LRMDA: variants seen among roughly 807,000 people sequenced by gnomAD.
LRMDA encodes the protein leucine-rich melanocyte differentiation-associated protein.
LRMDA carries 18 observed loss-of-function variants against 29.8 expected under a neutral mutation model. That is an observed-to-expected ratio of 0.60 (90% CI 0.42 to 0.90). LRMDA has a LOEUF of 0.90. LRMDA is among the 40% of genes least tolerant of loss of function. The pLI, the probability that LRMDA is intolerant of heterozygous loss-of-function variation, is 0.00. For missense variants in LRMDA, 273 were observed against 273.9 expected (o/e 1.00, Z 0.02); for synonymous variants, 125 against 109.4 (o/e 1.14, Z -0.89).
chr10:76,371,276 A>G (rs572598132), intron 6 of LRMDA, among the ~76,000 whole-genome samples: 1 of 152,312 alleles, frequency 6.6e-6, no homozygotes, highest in South Asian at 2.1e-4. Context: ...AATTCGAGGT[A>G]GTGGTTCTCT....
chr10:76,014,138 A>G (rs1177897035), intron 2 of LRMDA, among the ~76,000 whole-genome samples: 19 of 139,884 alleles, frequency 1.4e-4, no homozygotes, highest in East Asian at 2.1e-4. Flanking sequence ...ATATATATAT[A>G]TATATAATTA....
intron 5 of LRMDA, among the ~76,000 whole-genome samples, chr10:76,201,069 T>TTTTATTTATTTATTTA (rs57777695): frequency 7.1e-6 from 1 of 141,224 alleles, no homozygotes; most frequent in Non-Finnish European, 1.5e-5. Context: ...GTATTATTAT[T>TTTTATTTATTTATTTA]TTTATTTATT....
intron 2 of LRMDA, chr10:75,642,654 C>T (rs1841469137): frequency 6.6e-6 from 1 of 152,128 alleles, no homozygotes; most frequent in African/African-American, 2.4e-5. Flanking sequence ...GAATTTTTGG[C>T]TAAAGTTGTC....
At chr10:75,591,389 G>A (rs1030534478) in intron 2 of LRMDA, among the ~76,000 whole-genome samples, 6 of 152,068 alleles carry the variant, frequency 3.9e-5, no homozygotes, top group African/African-American at 7.2e-5. Context: ...GTATCCTCAC[G>A]GTTGTACAAA....
intron 2 of LRMDA, among the ~76,000 whole-genome samples, chr10:75,538,724 A>C (rs1839982202): frequency 6.6e-6 from 1 of 152,166 alleles, no homozygotes; most frequent in African/African-American, 2.4e-5. Flanking sequence ...TGATTTCAAC[A>C]AGCAAGTATT....
chr10:75,773,984 G>A (rs191086734), intron 2 of LRMDA, among the ~76,000 whole-genome samples: 15 of 152,168 alleles, frequency 9.9e-5, no homozygotes, highest in Admixed American at 6.5e-4. Flanking sequence ...CTTTTAATCC[G>A]CCATGATACA....
At chr10:75,551,963 A>T (rs1840155860) in intron 2 of LRMDA, among the ~76,000 whole-genome samples, 1 of 152,080 alleles carries the variant, frequency 6.6e-6, no homozygotes, top group African/African-American at 2.4e-5. Flanking sequence ...GGATTGCCTG[A>T]GCCCAGGAGG....
chr10:76,214,387 G>A (rs1425696261), intron 5 of LRMDA, among the ~76,000 whole-genome samples: 7 of 131,480 alleles, frequency 5.3e-5, no homozygotes, highest in Middle Eastern at 4.2e-3. Context: ...CGCCCAGGCC[G>A]GACTGCGTCC....
chr10:75,588,566 C>CT (rs2132082069), intron 2 of LRMDA, among the ~76,000 whole-genome samples: 1 of 152,180 alleles, frequency 6.6e-6, no homozygotes, highest in Admixed American at 6.5e-5. Flanking sequence ...CTCAATTGCG[C>CT]TTTTTTGACT....
At chr10:75,466,495 C>T (rs1206672979) in intron 2 of LRMDA, among the ~76,000 whole-genome samples, 1 of 152,138 alleles carries the variant, frequency 6.6e-6, no homozygotes, top group African/African-American at 2.4e-5. Context: ...GGTTTTCCAC[C>T]AGCCTTGGGC....
At chr10:75,944,741 TG>T (rs1191873031) in intron 2 of LRMDA, among the ~76,000 whole-genome samples, 5 of 148,408 alleles carry the variant, frequency 3.4e-5, no homozygotes, top group African/African-American at 4.9e-5. Flanking sequence ...TATATCTATA[TG>T]TATATATATA....
chr10:75,740,161 T>A (rs1399243701), intron 2 of LRMDA, among the ~76,000 whole-genome samples: 1 of 152,238 alleles, frequency 6.6e-6, no homozygotes, highest in African/African-American at 2.4e-5. Flanking sequence ...AAATGCGTGC[T>A]TTTAGAATAG....
chr10:75,597,441 C>G (rs1840805150), intron 2 of LRMDA, among the ~76,000 whole-genome samples: 1 of 152,204 alleles, frequency 6.6e-6, no homozygotes, highest in African/African-American at 2.4e-5. Flanking sequence ...GTTAGCTGGA[C>G]TGGCCCCAGG....
chr10:75,783,149 C>A lies in LRMDA; in HGVS notation c.132-252859C>A. The A allele has an allele frequency of 3.3e-6, 4 of 1,216,386 alleles. No homozygotes were observed. In the South Asian group the frequency reaches 4.0e-5, roughly 12 times the overall value. The allele number at this position is 1,216,386 out of a possible 1,614,324, so 75.3% of individuals were successfully genotyped here. On this transcript the variant is annotated intron_variant, in intron 2 of 6. Coordinates refer to ENST00000611255, the MANE Select transcript of LRMDA (RefSeq NM_001305581.2). ...AGCGAGATGATTGATCTGCATAAAT[C>A]ATTTTCTTTTAACATTGTCAGTGAA...
chr10:76,491,500 C>T (rs183539009), intron 6 of LRMDA, among the ~76,000 whole-genome samples: 19 of 152,018 alleles, frequency 1.2e-4, no homozygotes, highest in African/African-American at 4.6e-4. Flanking sequence ...AATGTTATGC[C>T]ACTCTTTCCT....
chr10:75,947,946 T>A (rs1846505165), intron 2 of LRMDA, among the ~76,000 whole-genome samples: 1 of 152,166 alleles, frequency 6.6e-6, no homozygotes, highest in South Asian at 2.1e-4. Flanking sequence ...AGACTGTATT[T>A]TTGTTGAGGG....
At chr10:75,584,187 G>T (rs1013726068) in intron 2 of LRMDA, among the ~76,000 whole-genome samples, 1 of 151,884 alleles carries the variant, frequency 6.6e-6, no homozygotes, top group Admixed American at 6.6e-5. Context: ...TATTGCTTCT[G>T]TGCTTTTACT....
chr10:76,211,039 G>A (rs1851625048), intron 5 of LRMDA, among the ~76,000 whole-genome samples: 1 of 152,162 alleles, frequency 6.6e-6, no homozygotes, highest in Non-Finnish European at 1.5e-5. Context: ...GTTTCCATTG[G>A]TCCAACACTT....
At chr10:75,677,287 G>A (rs557790602) in intron 2 of LRMDA, among the ~76,000 whole-genome samples, 4 of 152,174 alleles carry the variant, frequency 2.6e-5, no homozygotes, top group South Asian at 2.1e-4. Context: ...AGAGTTACAC[G>A]GGCTGGCTGT....
Sources: allele counts gnomAD v4.1 joint callset (sites outside exome capture counted in the v4.1 genomes callset), GRCh38; gene constraint gnomAD v4.1.1; transcripts MANE v1.5; gene names NCBI Gene and HGNC (gene_info 2026-07-23, HGNC 2026-07-21).